Variants in FAM184B observed in about 807,000 individuals in gnomAD.
FAM184B encodes the protein protein FAM184B.
Under a neutral mutation model 135.9 loss-of-function variants are expected in FAM184B, and 111 were observed. That is an observed-to-expected ratio of 0.82 (90% CI 0.70 to 0.96). The LOEUF (loss-of-function observed/expected upper bound fraction) is 0.96. Ranked by LOEUF, FAM184B falls within the 40% of genes least tolerant of loss-of-function variation. The pLI, the probability that FAM184B is intolerant of heterozygous loss-of-function variation, is 0.00. For synonymous variants in FAM184B, 552 were observed against 524.8 expected (o/e 1.05, Z -0.71); for missense variants, 1,375 against 1,323.9 (o/e 1.04, Z -0.60).
intron 6 of FAM184B, among the ~76,000 whole-genome samples, chr4:17,689,246 G>A (rs1488345026): frequency 6.6e-6 from 1 of 152,036 alleles, no homozygotes; most frequent in Non-Finnish European, 1.5e-5. Context: ...AGTGGTTGGG[G>A]GTGCTCTAAA....
At position 17,631,996 on chromosome 4, in the gene FAM184B, A is replaced by G. The variant is rs1461162827; in HGVS notation, c.*536T>C. On this transcript the variant is annotated 3_prime_UTR_variant, in exon 18 of 18. Transcript: ENST00000265018. ...AAGGTATGGGTCATTAGTAACGCTA[A>G]TAACATTTTCCTATAGATGACTTTT... The G allele has an allele frequency of 1.3e-5, 2 of 151,404 alleles. No homozygotes were observed. The highest frequency in any genetic ancestry group is 2.4e-5 in the African/African-American group (1 of 40,978). The allele number at this position is 151,404 out of a possible 1,614,324, so 9.4% of individuals were successfully genotyped here. A position where few individuals can be genotyped will look rare whatever the true frequency, so the allele number is the denominator to read the frequency against.
chr4:17,684,881 T>A (rs140617052), intron 7 of FAM184B, among the ~76,000 whole-genome samples: 1 of 152,184 alleles, frequency 6.6e-6, no homozygotes, highest in Non-Finnish European at 1.5e-5. Context: ...GAATGAGATA[T>A]GTCCTTTGCA....
chr4:17,633,969 A>G, intron 16 of FAM184B, 81 bp from the exon 17 acceptor site: 10 of 1,134,008 alleles, frequency 8.8e-6, no homozygotes, highest in Non-Finnish European at 1.2e-5. Flanking sequence ...AATAATGCTC[A>G]CCCAATCAAA....
At chr4:17,722,653 C>A (rs529010899) in intron 1 of FAM184B, among the ~76,000 whole-genome samples, 1 of 152,090 alleles carries the variant, frequency 6.6e-6, no homozygotes, top group Non-Finnish European at 1.5e-5. Flanking sequence ...AGAGCCCCAC[C>A]GTCTACAGGC....
Position 17,709,643 on chromosome 4 carries a change from A to C in FAM184B, c.143T>G (p.Val48Gly). 2 of 1,486,126 alleles carry C rather than the reference A, an allele frequency of 1.3e-6. No individual in the cohort carries two copies. Among genetic ancestry groups the C allele is most frequent in the Non-Finnish European group, 1.8e-6 (2 of 1,118,544 alleles). 92.1% of individuals were successfully genotyped at this position (1,486,126 alleles called of 1,614,324 possible). A position where few individuals can be genotyped will look rare whatever the true frequency, so the allele number is the denominator to read the frequency against. Residue 48 changes from valine to glycine, a missense_variant and splice_region_variant, in exon 2 of 18, where the codon GTG becomes GGG. Coordinates refer to ENST00000265018, the MANE Select transcript of FAM184B (RefSeq NM_015688.2). ...CTGGCGGGTGTTCAGGGCATAAATC[A>C]CCTGCAGGAAAATCAACAGAGCCCA... ...MCKKIAQLTK[V>G]IYALNTRQDE...
chr4:17,688,378 G>T, intron 7 of FAM184B, 46 bp downstream of exon 7: 1 of 1,431,214 alleles, frequency 7.0e-7, no homozygotes, highest in Non-Finnish European at 9.6e-7. Flanking sequence ...GGCTGAGACC[G>T]AGAAAAGAAA....
chr4:17,681,503 C>A (rs1716432789), intron 7 of FAM184B, among the ~76,000 whole-genome samples: 1 of 152,190 alleles, frequency 6.6e-6, no homozygotes, highest in African/African-American at 2.4e-5. Context: ...CCCTTCAATT[C>A]ACACCAACCA....
At chr4:17,724,263 T>G (rs1249788345) in intron 1 of FAM184B, among the ~76,000 whole-genome samples, 2 of 152,230 alleles carry the variant, frequency 1.3e-5, no homozygotes, top group Non-Finnish European at 2.9e-5. Context: ...TTCTTCTTTT[T>G]GTTTTTATGC....
intron 5 of FAM184B, among the ~76,000 whole-genome samples, 179 bp from the exon 6 acceptor site, chr4:17,693,591 C>A (rs542122222): frequency 6.6e-6 from 1 of 152,108 alleles, no homozygotes; most frequent in South Asian, 2.1e-4. Flanking sequence ...AACGTCACAA[C>A]ACAAAGCCTG....
At chr4:17,716,915 C>T (rs888577579) in intron 1 of FAM184B, among the ~76,000 whole-genome samples, 5 of 152,080 alleles carry the variant, frequency 3.3e-5, no homozygotes, top group East Asian at 1.9e-4. Context: ...TGAGTCCAAG[C>T]GAGTCTCCTG....
chr4:17,652,768 G>A, intron 11 of FAM184B, 62 bp downstream of exon 11: 7 of 1,510,114 alleles, frequency 4.6e-6, no homozygotes, highest in South Asian at 1.2e-5. Context: ...GCTTGTCTCT[G>A]GTTTCTACAT....
At position 17,709,616 on chromosome 4, in the gene FAM184B, T is replaced by G. The variant is rs1297075437; in HGVS notation, c.170A>C (p.Asp57Ala). 1.3e-6 allele frequency: 2 copies of G among 1,525,184 alleles called. No homozygotes were observed. The highest frequency in any genetic ancestry group is 2.5e-5 in the South Asian group (2 of 79,690). 94.5% of individuals were successfully genotyped at this position (1,525,184 alleles called of 1,614,324 possible). ...CGCCTCCATGCTGGCCTCAGCCTCA[T>G]CCTGGCGGGTGTTCAGGGCATAAAT... ...KVIYALNTRQDEAEASMEALR... is the reference protein window; with the variant it reads ...KVIYALNTRQAEAEASMEALR... Residue 57 changes from aspartate to alanine, a missense_variant, in exon 2 of 18, where the codon GAT becomes GCT. Asp to Ala is a moderately radical substitution (Grantham distance 126, BLOSUM62 -2). Coordinates refer to ENST00000265018, the MANE Select transcript of FAM184B (RefSeq NM_015688.2).
At chr4:17,642,560 G>A (rs1030655681) in intron 12 of FAM184B, among the ~76,000 whole-genome samples, 1 of 152,040 alleles carries the variant, frequency 6.6e-6, no homozygotes, top group African/African-American at 2.4e-5. Context: ...CCTCCGTGAA[G>A]TTAAGTGTTC....
intron 1 of FAM184B, among the ~76,000 whole-genome samples, chr4:17,760,477 A>AC (rs966925354): frequency 1.3e-5 from 2 of 151,918 alleles, no homozygotes; most frequent in African/African-American, 4.8e-5. Flanking sequence ...CTCAAAAAAA[A>AC]AAAAACAAAA....
intron 1 of FAM184B, among the ~76,000 whole-genome samples, chr4:17,751,499 G>A (rs1718290436): frequency 6.6e-6 from 1 of 152,012 alleles, no homozygotes; most frequent in South Asian, 2.1e-4. Flanking sequence ...TCTCCATGGA[G>A]AGGCTCTACC....
chr4:17,666,275 A>G (rs1716046662), intron 7 of FAM184B, among the ~76,000 whole-genome samples: 1 of 150,938 alleles, frequency 6.6e-6, no homozygotes, highest in Admixed American at 6.6e-5. Context: ...CCTAAGGAAC[A>G]CTCAACACTC....
rs558098153 is a variant in FAM184B at position 17,665,545 on chromosome 4, A to AAGAAGCC, written c.1597-887_1597-886insGGCTTCT. On this transcript the variant is annotated intron_variant, in intron 7 of 17. Transcript: ENST00000265018. ...TGAGCCAGCTTCTTCCCTTTTTTGG[A>AAGAAGCC]CCTGAGTTTCATCAACTGTGAAACA... Among the ~76,000 whole-genome samples the AAGAAGCC allele has an allele frequency of 8.1e-4, 123 of 152,124 alleles. 2 individuals carry two copies. Among genetic ancestry groups the AAGAAGCC allele is most frequent in the Admixed American group, 1.4e-3 (22 of 15,288 alleles).
intron 10 of FAM184B, among the ~76,000 whole-genome samples, chr4:17,653,935 A>AGGGGGAGGGGGAGGGGGT (rs1715714222): frequency 6.9e-6 from 1 of 145,474 alleles, no homozygotes. Context: ...GGGGAGGGGG[A>AGGGGGAGGGGGAGGGGGT]TTTGAAGCTG....
intron 13 of FAM184B, 53 bp from the exon 14 acceptor site, chr4:17,639,449 C>T: frequency 1.3e-6 from 2 of 1,542,412 alleles, no homozygotes; most frequent in Admixed American, 2.0e-5. Flanking sequence ...GATGGCACCC[C>T]TTGGGCTCTG....
Sources: allele counts gnomAD v4.1 joint callset (sites outside exome capture counted in the v4.1 genomes callset), GRCh38; gene constraint gnomAD v4.1.1; transcripts MANE v1.5; gene names NCBI Gene and HGNC (gene_info 2026-07-23, HGNC 2026-07-21).